Variants in PCDH7 observed in about 807,000 individuals in gnomAD.
PCDH7 encodes the protein protocadherin-7.
A neutral mutation model predicts 58.9 loss-of-function variants in PCDH7; 17 were observed. The ratio of observed to expected loss-of-function variants is 0.29; its 90% confidence interval spans 0.20 to 0.43. The LOEUF (loss-of-function observed/expected upper bound fraction) is 0.43, where lower values mean the gene tolerates loss of function less well. Among genes scored for constraint, PCDH7 ranks in the 20% least tolerant of loss-of-function variants. The probability of loss-of-function intolerance (pLI) is 1.00; values close to 1 mark genes in which losing one functional copy is unlikely to be tolerated. For missense variants in PCDH7, 1,274 were observed against 1,441.0 expected (o/e 0.88, Z 1.88); for synonymous variants, 664 against 616.4 (o/e 1.08, Z -1.14).
intron 1 of PCDH7, among the ~76,000 whole-genome samples, chr4:30,894,505 A>G (rs1331463723): frequency 1.9e-5 from 1 of 54,022 alleles, no homozygotes; most frequent in Non-Finnish European, 3.2e-5. Context: ...ATATATATAT[A>G]TATATATATA....
chr4:31,114,082 C>T (rs1159962855), intron 3 of PCDH7, among the ~76,000 whole-genome samples: 1 of 152,030 alleles, frequency 6.6e-6, no homozygotes, highest in Non-Finnish European at 1.5e-5. Context: ...GATCCACCCG[C>T]CTTGGCCTCT....
chr4:30,941,586 AAAG>A (rs955416009), intron 2 of PCDH7, among the ~76,000 whole-genome samples: 1 of 151,942 alleles, frequency 6.6e-6, no homozygotes, highest in African/African-American at 2.4e-5. Flanking sequence ...AAGAAATTTC[AAAG>A]AAGAACCTAT....
intron 1 of PCDH7, among the ~76,000 whole-genome samples, chr4:30,893,563 G>A (rs1258325385): frequency 6.6e-6 from 1 of 152,022 alleles, no homozygotes; most frequent in Non-Finnish European, 1.5e-5. Flanking sequence ...CAAGTTTGCA[G>A]GTATATGAGC....
At chr4:31,004,780 TAA>T (rs1161952107) in intron 3 of PCDH7, among the ~76,000 whole-genome samples, 1 of 152,126 alleles carries the variant, frequency 6.6e-6, no homozygotes, top group Non-Finnish European at 1.5e-5. Flanking sequence ...TCAGCAATCC[TAA>T]AAGAAGGAAC....
chr4:30,899,931 T>G (rs1416641440), intron 1 of PCDH7, among the ~76,000 whole-genome samples: 1 of 152,152 alleles, frequency 6.6e-6, no homozygotes, highest in African/African-American at 2.4e-5. Context: ...ATAACAATAA[T>G]AATAATAAAA....
intron 1 of PCDH7, among the ~76,000 whole-genome samples, chr4:30,887,011 G>A (rs1737901783): frequency 6.8e-6 from 1 of 146,742 alleles, no homozygotes; most frequent in Non-Finnish European, 1.5e-5. Context: ...GGATAGCATT[G>A]GGAGATATAC....
intron 2 of PCDH7, among the ~76,000 whole-genome samples, chr4:30,923,030 G>A (rs1743387252): frequency 6.6e-6 from 1 of 152,114 alleles, no homozygotes; most frequent in Non-Finnish European, 1.5e-5. Context: ...CATTTAATTG[G>A]AATCCAGGTA....
chr4:30,817,497 T>A (rs1727839268), intron 1 of PCDH7, among the ~76,000 whole-genome samples: 1 of 152,202 alleles, frequency 6.6e-6, no homozygotes, highest in Non-Finnish European at 1.5e-5. Flanking sequence ...GTTCTAAAAA[T>A]GTCAATAAAT....
At chr4:30,862,503 T>C (rs1734330713) in intron 1 of PCDH7, among the ~76,000 whole-genome samples, 1 of 152,160 alleles carries the variant, frequency 6.6e-6, no homozygotes. Context: ...TAGAAATTTG[T>C]TTCTAAATTG....
At chr4:30,738,042 C>T (rs1716541870) in intron 1 of PCDH7, among the ~76,000 whole-genome samples, 1 of 152,164 alleles carries the variant, frequency 6.6e-6, no homozygotes, top group Admixed American at 6.5e-5. Context: ...GACTCTTCCT[C>T]TGTGCCTGAG....
chr4:30,815,847 T>G (rs963010729), intron 1 of PCDH7, among the ~76,000 whole-genome samples: 4 of 152,176 alleles, frequency 2.6e-5, no homozygotes, highest in Admixed American at 6.5e-5. Context: ...AGAGACAGTT[T>G]AACAACTGCC....
At chr4:31,066,613 C>T (rs955654504) in intron 3 of PCDH7, among the ~76,000 whole-genome samples, 1 of 151,852 alleles carries the variant, frequency 6.6e-6, no homozygotes. Flanking sequence ...TCTTCACCTC[C>T]CCCTTTGGAA....
chr4:31,123,610 G>A (rs1437414301), intron 3 of PCDH7, among the ~76,000 whole-genome samples: 2 of 152,170 alleles, frequency 1.3e-5, no homozygotes, highest in African/African-American at 4.8e-5. Flanking sequence ...TACAAACAGT[G>A]CTCTTTTAGC....
intron 1 of PCDH7, among the ~76,000 whole-genome samples, chr4:30,855,758 A>G (rs1237304336): frequency 6.6e-6 from 1 of 152,126 alleles, no homozygotes; most frequent in Non-Finnish European, 1.5e-5. Flanking sequence ...CTTGTTGCAA[A>G]GCTAGGGGAC....
chr4:31,055,568 T>C (rs1481559659), intron 3 of PCDH7, among the ~76,000 whole-genome samples: 4 of 152,034 alleles, frequency 2.6e-5, no homozygotes, highest in African/African-American at 9.7e-5. Context: ...AAAGGCTTTG[T>C]TTTTTTATTT....
intron 1 of PCDH7, among the ~76,000 whole-genome samples, chr4:30,808,082 C>A (rs928617220): frequency 3.3e-5 from 5 of 152,070 alleles, no homozygotes; most frequent in Non-Finnish European, 5.9e-5. Context: ...TGACTGAGAT[C>A]CAAACATGTA....
intron 3 of PCDH7, among the ~76,000 whole-genome samples, chr4:31,077,644 GGAGGTGGATACTTGTTAA>G (rs900595860): frequency 2.6e-5 from 4 of 152,250 alleles, no homozygotes; most frequent in African/African-American, 9.6e-5. Context: ...GGGAGGTATG[GGAGGTGGATACTTGTTAA>G]GAGCTTGCTT....
At chr4:30,824,824 C>G (rs1453904380) in intron 1 of PCDH7, among the ~76,000 whole-genome samples, 1 of 152,066 alleles carries the variant, frequency 6.6e-6, no homozygotes, top group Non-Finnish European at 1.5e-5. Flanking sequence ...AAGCTATCAA[C>G]AGCTTATAAA....
intron 3 of PCDH7, among the ~76,000 whole-genome samples, chr4:31,056,457 AGAAG>A (rs1248191735): frequency 3.8e-5 from 1 of 26,154 alleles, no homozygotes; most frequent in African/African-American, 2.6e-4. Flanking sequence ...AAAGAAAGAA[AGAAG>A]AAAGAAAGAA....
Sources: gnomAD v4.1 joint callset for allele counts (sites outside exome capture counted in the v4.1 genomes callset) on GRCh38, gnomAD v4.1.1 for gene constraint, MANE v1.5 for transcripts, NCBI Gene and HGNC (gene_info 2026-07-23, HGNC 2026-07-21) for gene names.